EPHA5: variants seen among roughly 807,000 people sequenced by gnomAD.
EPHA5 encodes ephrin type-A receptor 5.
Under a neutral mutation model 105.0 loss-of-function variants are expected in EPHA5, and 60 were observed. That is an observed-to-expected ratio of 0.57 (90% confidence interval 0.46 to 0.71). The LOEUF (loss-of-function observed/expected upper bound fraction) is 0.71. Among genes scored for constraint, EPHA5 ranks in the 30% least tolerant of loss-of-function variants. The probability of loss-of-function intolerance (pLI) is 0.00; values close to 1 mark genes in which losing one functional copy is unlikely to be tolerated. For synonymous variants in EPHA5, 513 were observed against 449.1 expected, an observed-to-expected ratio of 1.14 and a Z score of -1.80; for missense variants, 1,218 against 1,274.7, an observed-to-expected ratio of 0.96 and a Z score of 0.68.
In EPHA5 at chr4:65,594,722, C is replaced by T. The variant is rs1396721690; in HGVS notation, c.910+6919G>A. On this transcript the variant is annotated intron_variant, in intron 3 of 16. Transcript: ENST00000613740. ...TAGCAGAAGAGTCACTAGTTATTAA[C>T]CATTGTCAAACCAATGAAACAAGTT... Among the ~76,000 whole-genome samples, 6 of 151,750 alleles carry T rather than the reference C, an allele frequency of 4.0e-5. No individual in the cohort carries two copies. The Admixed American group carries it at 4.0e-4, about 10-fold the overall frequency.
chr4:65,572,539 A>C (rs1740298718), intron 3 of EPHA5, among the ~76,000 whole-genome samples: 1 of 152,220 alleles, frequency 6.6e-6, no homozygotes, highest in Non-Finnish European at 1.5e-5. Context: ...GACACACATC[A>C]ATTTTTGTCA....
chr4:65,408,148 AT>A (rs1304427761), intron 7 of EPHA5, among the ~76,000 whole-genome samples: 2 of 152,146 alleles, frequency 1.3e-5, no homozygotes, highest in African/African-American at 4.8e-5. Context: ...TAATGATATC[AT>A]TAATTATATT....
Position 65,337,518 on chromosome 4 carries a change from A to T in EPHA5, c.2596-1393T>A, listed in dbSNP as rs557627940. 5.9e-5 allele frequency among the ~76,000 whole-genome samples: 9 copies of T among 152,262 alleles called. No homozygotes were observed. The South Asian group carries it at 1.9e-3, about 32-fold the overall frequency. ...AATAAAATGGCACCTGACCCAGTGC[A>T]GGGGCAGATGGAAAGAAGATTAAAC... On this transcript the variant is annotated intron_variant, in intron 14 of 16. Transcript: ENST00000613740.
intron 5 of EPHA5, among the ~76,000 whole-genome samples, chr4:65,479,286 G>A (rs1046372614): frequency 1.3e-5 from 2 of 151,978 alleles, no homozygotes; most frequent in Non-Finnish European, 1.5e-5. Flanking sequence ...TGATATTTAC[G>A]TAATTTACTC....
At chr4:65,586,188 TG>T (rs1162070670) in intron 3 of EPHA5, among the ~76,000 whole-genome samples, 13 of 151,810 alleles carry the variant, frequency 8.6e-5, no homozygotes, top group African/African-American at 2.6e-4. Context: ...TATAAGCATT[TG>T]ATTGCATATA....
At chr4:65,538,031 A>G (rs1736457970) in intron 3 of EPHA5, among the ~76,000 whole-genome samples, 1 of 151,814 alleles carries the variant, frequency 6.6e-6, no homozygotes, top group South Asian at 2.1e-4. Flanking sequence ...AAATAAAATA[A>G]CATTCCCTAA....
rs2149570395 is a variant in EPHA5, at chr4:65,669,543, C to T, written c.181+19G>A. 2 of 1,372,816 alleles carry T rather than the reference C, an allele frequency of 1.5e-6. No homozygotes were observed. The highest frequency in any genetic ancestry group is 1.9e-6 in the Non-Finnish European group (2 of 1,056,950). The allele number at this position is 1,372,816 out of a possible 1,614,324, so 85.0% of individuals were successfully genotyped here. ...CCCTCCGCCCCAGGTCGCCACGGTC[C>T]CCACCCCCATCTCCCTACCTTCGTT... is the stretch of plus-strand genomic sequence containing the variant. On this transcript the variant is annotated intron_variant, in intron 1 of 16. Transcript: ENST00000613740.
At chr4:65,399,249 T>C (rs1048539687) in intron 8 of EPHA5, among the ~76,000 whole-genome samples, 1 of 152,130 alleles carries the variant, frequency 6.6e-6, no homozygotes, top group Admixed American at 6.5e-5. Flanking sequence ...ATTAAGTACT[T>C]GTGCTGGTAT....
At chr4:65,602,504 G>C (rs1178894293) in intron 2 of EPHA5, among the ~76,000 whole-genome samples, 200 bp from the exon 3 acceptor site, 1 of 152,032 alleles carries the variant, frequency 6.6e-6, no homozygotes, top group Non-Finnish European at 1.5e-5. Flanking sequence ...TAAATTAAAA[G>C]TAAATTAAGA....
intron 5 of EPHA5, among the ~76,000 whole-genome samples, chr4:65,444,977 G>A (rs1333927309): frequency 1.3e-5 from 2 of 151,928 alleles, no homozygotes; most frequent in African/African-American, 4.8e-5. Flanking sequence ...AGAAAATATA[G>A]CAAAGAAATA....
chr4:65,510,956 A>G (rs1425215834), intron 3 of EPHA5, among the ~76,000 whole-genome samples: 1 of 152,144 alleles, frequency 6.6e-6, no homozygotes, highest in Non-Finnish European at 1.5e-5. Flanking sequence ...GCCTTATAAG[A>G]AGAGGATGAG....
At chr4:65,567,101 G>A (rs1016850961) in intron 3 of EPHA5, among the ~76,000 whole-genome samples, 2 of 151,560 alleles carry the variant, frequency 1.3e-5, no homozygotes, top group African/African-American at 4.8e-5. Flanking sequence ...TTTCTGAAGT[G>A]CTGTAAAAGC....
chr4:65,462,729 T>C lies in EPHA5; in HGVS notation c.1402+27648A>G, dbSNP rs148698716. Among the ~76,000 whole-genome samples, 137 of 152,268 alleles carry C rather than the reference T, an allele frequency of 9.0e-4. 1 individual carries two copies. The highest frequency in any genetic ancestry group is 1.4e-3 in the Non-Finnish European group (98 of 68,018). On this transcript the variant is annotated intron_variant, in intron 5 of 16. Coordinates refer to ENST00000613740, the MANE Select transcript of EPHA5 (RefSeq NM_001281766.3). Reference sequence around the variant, plus strand: ...CACAGATCTTTAGAGGCATTAGCAATAGAATTTATACATCCCTTCTACAAC... The same window carrying C: ...CACAGATCTTTAGAGGCATTAGCAACAGAATTTATACATCCCTTCTACAAC...
intron 5 of EPHA5, among the ~76,000 whole-genome samples, chr4:65,451,198 G>T (rs1173107476): frequency 6.6e-6 from 1 of 151,672 alleles, no homozygotes; most frequent in Non-Finnish European, 1.5e-5. Context: ...TACATTGACT[G>T]GTCAAAAAGA....
chr4:65,454,359 A>G (rs1727368381), intron 5 of EPHA5, among the ~76,000 whole-genome samples: 1 of 152,144 alleles, frequency 6.6e-6, no homozygotes, highest in Admixed American at 6.5e-5. Flanking sequence ...AATATGGAAG[A>G]AAGGTAATTT....
chr4:65,645,506 C>T (rs561517407), intron 1 of EPHA5, among the ~76,000 whole-genome samples: 1 of 152,180 alleles, frequency 6.6e-6, no homozygotes, highest in East Asian at 1.9e-4. Context: ...TCCTTGTAGA[C>T]CTCTTACTAA....
chr4:65,424,137 T>C (rs1228787228), intron 5 of EPHA5, among the ~76,000 whole-genome samples: 1 of 151,970 alleles, frequency 6.6e-6, no homozygotes, highest in Non-Finnish European at 1.5e-5. Context: ...TGTACTGAAT[T>C]GTTCAGAATT....
chr4:65,479,278 A>T (rs1425547685), intron 5 of EPHA5, among the ~76,000 whole-genome samples: 1 of 152,180 alleles, frequency 6.6e-6, no homozygotes, highest in Admixed American at 6.5e-5. Context: ...AGGCCCTGTG[A>T]TATTTACGTA....
At chr4:65,436,227 C>G (rs1455485754) in intron 5 of EPHA5, among the ~76,000 whole-genome samples, 1 of 151,810 alleles carries the variant, frequency 6.6e-6, no homozygotes, top group Non-Finnish European at 1.5e-5. Flanking sequence ...AATCAGAAGC[C>G]ATTATATAAA....
Sources: allele counts gnomAD v4.1 joint callset (sites outside exome capture counted in the v4.1 genomes callset), GRCh38; gene constraint gnomAD v4.1.1; transcripts MANE v1.5; gene names NCBI Gene and HGNC (gene_info 2026-07-23, HGNC 2026-07-21).